Variants in ATP13A4 observed in about 807,000 individuals in gnomAD.
ATP13A4 encodes probable cation-transporting ATPase 13A4.
Under a neutral mutation model 142.5 loss-of-function variants are expected in ATP13A4, and 114 were observed. That is an observed-to-expected ratio of 0.80 (90% CI 0.69 to 0.93). The LOEUF (loss-of-function observed/expected upper bound fraction) is 0.93, where lower values mean the gene tolerates loss of function less well. Among genes scored for constraint, ATP13A4 ranks in the 40% least tolerant of loss-of-function variants. ATP13A4 has a pLI of 0.00. For missense variants in ATP13A4, 1,392 were observed against 1,454.0 expected (o/e 0.96, Z 0.69); for synonymous variants, 488 against 514.8 (o/e 0.95, Z 0.70).
At chr3:193,530,120 G>T (rs1351946884) in intron 1 of ATP13A4, among the ~76,000 whole-genome samples, 3 of 152,110 alleles carry the variant, frequency 2.0e-5, no homozygotes, top group African/African-American at 7.2e-5. Flanking sequence ...CACCTAAAAT[G>T]AATATGTCCT....
chr3:193,413,708 T>TG (rs948695533), intron 26 of ATP13A4, among the ~76,000 whole-genome samples: 226 of 152,232 alleles, frequency 1.5e-3, no homozygotes, highest in African/African-American at 5.2e-3. Context: ...CTTATTAGGA[T>TG]GGGGGAAAAA....
intron 1 of ATP13A4, among the ~76,000 whole-genome samples, chr3:193,547,824 T>C (rs1260053481): frequency 6.6e-6 from 1 of 152,184 alleles, no homozygotes; most frequent in Non-Finnish European, 1.5e-5. Flanking sequence ...CATCCTGAAA[T>C]TCTTAATAAT....
At chr3:193,548,592 A>T (rs1203725790) in intron 1 of ATP13A4, among the ~76,000 whole-genome samples, 2 of 152,234 alleles carry the variant, frequency 1.3e-5, no homozygotes, top group Non-Finnish European at 2.9e-5. Context: ...ACTAGTTAAC[A>T]TTGGCAACTG....
intron 8 of ATP13A4, among the ~76,000 whole-genome samples, chr3:193,476,078 T>C (rs1718948055): frequency 6.6e-6 from 1 of 152,076 alleles, no homozygotes; most frequent in Admixed American, 6.5e-5. Flanking sequence ...AGTATAACTA[T>C]GAATTCTAAA....
chr3:193,554,252 A>T (rs905755307), intron 1 of ATP13A4: 1 of 185,628 alleles, frequency 5.4e-6, no homozygotes, highest in South Asian at 1.1e-4. Flanking sequence ...TTAATATTGC[A>T]TGTCTTCCCT....
intron 28 of ATP13A4, among the ~76,000 whole-genome samples, chr3:193,408,398 T>C (rs1324078285): frequency 1.3e-5 from 2 of 152,238 alleles, no homozygotes; most frequent in Non-Finnish European, 1.5e-5. Context: ...GACATATACA[T>C]AATATGCATT....
intron 1 of ATP13A4, among the ~76,000 whole-genome samples, chr3:193,545,669 T>TAG (rs1431837150): frequency 6.6e-6 from 1 of 152,132 alleles, no homozygotes; most frequent in African/African-American, 2.4e-5. Context: ...CATCGGCAAA[T>TAG]GACTAACTCC....
chr3:193,467,546 C>A (rs1718374744), intron 9 of ATP13A4, 60 bp from the exon 10 acceptor site: 4 of 1,527,138 alleles, frequency 2.6e-6, no homozygotes, highest in Non-Finnish European at 3.6e-6. Flanking sequence ...TTAAATCATG[C>A]CTGCACCCAC....
chr3:193,564,144 T>C (rs1285083204), intron 2 of ATP13A4, among the ~76,000 whole-genome samples: 1 of 152,248 alleles, frequency 6.6e-6, no homozygotes, highest in Admixed American at 6.5e-5. Flanking sequence ...AAGGCCTGGC[T>C]AACCCAGAGG....
chr3:193,451,343 G>C (rs1717263901), intron 17 of ATP13A4, among the ~76,000 whole-genome samples: 1 of 152,214 alleles, frequency 6.6e-6, no homozygotes, highest in Non-Finnish European at 1.5e-5. Context: ...ATTGGCACTA[G>C]TATTTCTAGT....
chr3:193,520,079 T>C (rs1721639248), intron 1 of ATP13A4, among the ~76,000 whole-genome samples: 1 of 152,126 alleles, frequency 6.6e-6, no homozygotes, highest in Non-Finnish European at 1.5e-5. Flanking sequence ...ACATACATTA[T>C]CTGCATGTAG....
chr3:193,574,286 C>T (rs1406194748), intron 2 of ATP13A4, among the ~76,000 whole-genome samples: 1 of 152,274 alleles, frequency 6.6e-6, no homozygotes, highest in South Asian at 2.1e-4. Flanking sequence ...CTGTTGGCCA[C>T]ATCTCAAGCT....
At chr3:193,533,245 A>T (rs1722423186) in intron 1 of ATP13A4, among the ~76,000 whole-genome samples, 1 of 152,150 alleles carries the variant, frequency 6.6e-6, no homozygotes. Flanking sequence ...TAAATAAATA[A>T]ATAAGATTTC....
At chr3:193,424,799 C>A (rs1376776074) in intron 25 of ATP13A4, among the ~76,000 whole-genome samples, 2 of 149,024 alleles carry the variant, frequency 1.3e-5, no homozygotes, top group Admixed American at 7.0e-5. Flanking sequence ...AAAGCATAGG[C>A]AACAAAAGCA....
intron 20 of ATP13A4, 109 bp from the exon 21 acceptor site, chr3:193,440,746 A>T: frequency 8.2e-7 from 1 of 1,217,488 alleles, no homozygotes; most frequent in Non-Finnish European, 1.2e-6. Flanking sequence ...CGATGAAGAA[A>T]AAAAAAAGTT....
chr3:193,409,427 G>T (rs1366663924), intron 28 of ATP13A4, among the ~76,000 whole-genome samples: 1 of 152,126 alleles, frequency 6.6e-6, no homozygotes, highest in African/African-American at 2.4e-5. Context: ...TGCTGGCAAT[G>T]ACCCTACCCA....
Position 193,465,089 on chromosome 3 carries a change from T to C in ATP13A4, c.1312A>G (p.Ile438Val). The C allele has an allele frequency of 1.2e-6, 2 of 1,614,126 alleles. No homozygotes were observed. The highest frequency in any genetic ancestry group is 1.7e-6 in the Non-Finnish European group (2 of 1,180,010). ...AGAGCCGGAGGAACCGCAATTGTGA[T>C]GACGTCAAGGGCTTTCCTCACCACC... ...EEVVRKALDV[I>V]TIAVPPALPA... The change falls in exon 12 of 30, where the codon ATC (isoleucine) becomes GTC (valine). Residue 438 changes from isoleucine (I) to valine (V), a missense_variant. By Grantham distance (29) the Ile-to-Val change is conservative. Coordinates refer to ENST00000342695, the MANE Select transcript of ATP13A4 (RefSeq NM_032279.4).
At chr3:193,496,968 A>G (rs879258892) in intron 3 of ATP13A4, among the ~76,000 whole-genome samples, 30 of 152,084 alleles carry the variant, frequency 2.0e-4, no homozygotes, top group Non-Finnish European at 2.5e-4. Context: ...AAAACTACTA[A>G]AAGAAAATAT....
intron 1 of ATP13A4, among the ~76,000 whole-genome samples, chr3:193,521,694 A>T (rs1341967699): frequency 4.6e-5 from 7 of 151,944 alleles, no homozygotes; most frequent in Admixed American, 4.6e-4. Flanking sequence ...GCATTTTGGG[A>T]GGCCGAGGCG....
Sources: allele counts gnomAD v4.1 joint callset (sites outside exome capture counted in the v4.1 genomes callset), GRCh38; gene constraint gnomAD v4.1.1; transcripts MANE v1.5; gene names NCBI Gene and HGNC (gene_info 2026-07-23, HGNC 2026-07-21).